The following FBXO11 variants were observed in gnomAD, a reference collection of about 807,000 sequenced individuals.
FBXO11 encodes the protein F-box protein 11, also known as F-box only protein 11.
Under a neutral mutation model 117.0 loss-of-function variants are expected in FBXO11, and 13 were observed. The ratio of observed to expected loss-of-function variants is 0.11; its 90% CI spans 0.07 to 0.18. The LOEUF is 0.18. FBXO11 is among the 10% of genes least tolerant of loss of function. The probability of loss-of-function intolerance (pLI) is 1.00; values close to 1 mark genes in which losing one functional copy is unlikely to be tolerated. For synonymous variants in FBXO11, 490 were observed against 380.5 expected (o/e 1.29, Z -3.35); for missense variants, 767 against 1,164.4 (o/e 0.66, Z 4.97).
chr2:47,857,158 A>ATACC (rs1674362097), intron 1 of FBXO11, among the ~76,000 whole-genome samples: 1 of 152,242 alleles, frequency 6.6e-6, no homozygotes, highest in African/African-American at 2.4e-5. Flanking sequence ...CCAAGTCTGC[A>ATACC]TACCTAACAG....
intron 11 of FBXO11, among the ~76,000 whole-genome samples, chr2:47,827,924 T>C (rs1159281323): frequency 6.6e-6 from 1 of 151,866 alleles, no homozygotes; most frequent in African/African-American, 2.4e-5. Flanking sequence ...CTCGAACTCC[T>C]GGCCTCAAGT....
intron 1 of FBXO11, among the ~76,000 whole-genome samples, chr2:47,891,787 CTA>C (rs1200983559): frequency 1.3e-5 from 2 of 151,966 alleles, no homozygotes; most frequent in African/African-American, 2.4e-5. Flanking sequence ...CACTTGTCTT[CTA>C]TGTTTTTTTT....
intron 14 of FBXO11, among the ~76,000 whole-genome samples, chr2:47,819,664 T>A (rs1192393514): frequency 6.6e-6 from 1 of 152,242 alleles, no homozygotes; most frequent in East Asian, 1.9e-4. Context: ...CCCTAGGATG[T>A]GTAACAAACT....
chr2:47,851,989 A>ATTTTT (rs1191001581), intron 1 of FBXO11, among the ~76,000 whole-genome samples: 25 of 132,842 alleles, frequency 1.9e-4, no homozygotes, highest in Non-Finnish European at 3.7e-4. Context: ...CAAGCAACCA[A>ATTTTT]TTTTTTTTTT....
intron 1 of FBXO11, among the ~76,000 whole-genome samples, chr2:47,869,268 G>A (rs922552178): frequency 1.3e-5 from 2 of 152,126 alleles, no homozygotes; most frequent in African/African-American, 2.4e-5. Flanking sequence ...TTTAGTTCTA[G>A]GCTTTTATCA....
At chr2:47,855,683 T>A (rs1167783968) in intron 1 of FBXO11, among the ~76,000 whole-genome samples, 1 of 151,860 alleles carries the variant, frequency 6.6e-6, no homozygotes, top group African/African-American at 2.4e-5. Flanking sequence ...AAATACAAAA[T>A]CAGCCAGGCA....
At chr2:47,901,058 T>TATGTATATATATACACATAC (rs1558488064) in intron 1 of FBXO11, among the ~76,000 whole-genome samples, 1 of 127,210 alleles carries the variant, frequency 7.9e-6, no homozygotes, top group Non-Finnish European at 1.7e-5. Context: ...TATACACATA[T>TATGTATATATATACACATAC]ATATGTATAT....
At chr2:47,836,045 T>A in intron 4 of FBXO11, 44 bp from the exon 5 acceptor site, 1 of 1,441,632 alleles carries the variant, frequency 6.9e-7, no homozygotes, top group Non-Finnish European at 9.5e-7. Flanking sequence ...AAAATGTCCT[T>A]TAGATTAATA....
At chr2:47,824,611 T>C (rs1558415591) in intron 11 of FBXO11, among the ~76,000 whole-genome samples, 1 of 152,208 alleles carries the variant, frequency 6.6e-6, no homozygotes. Context: ...CTTAGGTTCA[T>C]CCTACACATG....
At chr2:47,894,073 C>CAG (rs1306072157) in intron 1 of FBXO11, among the ~76,000 whole-genome samples, 1 of 152,160 alleles carries the variant, frequency 6.6e-6, no homozygotes, top group East Asian at 1.9e-4. Context: ...TCCTGATGAA[C>CAG]AGAGCCCTGT....
At chr2:47,899,273 CAAAAA>C (rs376186704) in intron 1 of FBXO11, among the ~76,000 whole-genome samples, 1 of 60,640 alleles carries the variant, frequency 1.6e-5, no homozygotes, top group Non-Finnish European at 3.2e-5. Flanking sequence ...GACTCCGTCT[CAAAAA>C]AAAAAAAAAA....
intron 18 of FBXO11, among the ~76,000 whole-genome samples, chr2:47,812,334 G>A (rs963357214): frequency 2.1e-4 from 32 of 152,186 alleles, no homozygotes; most frequent in Non-Finnish European, 4.1e-4. Context: ...AATAACATCT[G>A]GAATGGTCTG....
intron 14 of FBXO11, among the ~76,000 whole-genome samples, chr2:47,819,777 T>C (rs1671250815): frequency 6.6e-6 from 1 of 152,188 alleles, no homozygotes; most frequent in African/African-American, 2.4e-5. Context: ...TTTTTACTTT[T>C]AGCAGGTAAC....
At chr2:47,882,456 T>A (rs1457319718) in intron 1 of FBXO11, among the ~76,000 whole-genome samples, 1 of 152,214 alleles carries the variant, frequency 6.6e-6, no homozygotes, top group Non-Finnish European at 1.5e-5. Context: ...TCAATTGTGT[T>A]TTTAACCACT....
intron 1 of FBXO11, among the ~76,000 whole-genome samples, chr2:47,869,154 C>T (rs573310302): frequency 3.5e-4 from 53 of 152,236 alleles, no homozygotes; most frequent in South Asian, 2.1e-3. Flanking sequence ...AGGAAACAAA[C>T]GGTGGAAATA....
At chr2:47,833,317 T>G (rs1672320246) in intron 7 of FBXO11, among the ~76,000 whole-genome samples, 1 of 152,176 alleles carries the variant, frequency 6.6e-6, no homozygotes, top group Non-Finnish European at 1.5e-5. Context: ...TGGTTTCTTG[T>G]GGAAACAAAA....
intron 1 of FBXO11, among the ~76,000 whole-genome samples, chr2:47,876,773 ACT>A (rs1363561155): frequency 6.6e-6 from 1 of 152,032 alleles, no homozygotes; most frequent in Admixed American, 6.6e-5. Context: ...CAATATGAAA[ACT>A]CAGTTCAATA....
chr2:47,814,538 C>G (rs1264434626), intron 16 of FBXO11, among the ~76,000 whole-genome samples: 1 of 151,950 alleles, frequency 6.6e-6, no homozygotes, highest in African/African-American at 2.4e-5. Flanking sequence ...ACCACCATGC[C>G]CAGTTAATTT....
intron 1 of FBXO11, among the ~76,000 whole-genome samples, chr2:47,889,745 A>G (rs72876860): frequency 1.0e-3 from 158 of 152,306 alleles, no homozygotes; most frequent in African/African-American, 3.6e-3. Flanking sequence ...AGTTTTACGA[A>G]AAGAAAATAT....
Sources: gnomAD v4.1 joint callset for allele counts (sites outside exome capture counted in the v4.1 genomes callset) on GRCh38, gnomAD v4.1.1 for gene constraint, MANE v1.5 for transcripts, NCBI Gene and HGNC (gene_info 2026-07-23, HGNC 2026-07-21) for gene names.